The following PAK2 variants were observed in gnomAD, a reference collection of about 807,000 sequenced individuals.
PAK2 encodes the protein serine/threonine-protein kinase PAK 2.
Under a neutral mutation model 65.9 loss-of-function variants are expected in PAK2, and 21 were observed. That is an observed-to-expected ratio of 0.32 (90% confidence interval 0.23 to 0.46). The LOEUF is 0.46. Ranked by LOEUF, PAK2 falls within the 20% of genes least tolerant of loss-of-function variation. The pLI, the probability that PAK2 is intolerant of heterozygous loss-of-function variation, is 1.00. For synonymous variants in PAK2, 204 were observed against 219.7 expected (o/e 0.93, Z 0.63); for missense variants, 324 against 642.6 (o/e 0.50, Z 5.36).
chr3:196,779,623 G>T (rs533196963), intron 1 of PAK2, among the ~76,000 whole-genome samples: 1 of 152,256 alleles, frequency 6.6e-6, no homozygotes, highest in South Asian at 2.1e-4. Flanking sequence ...CTTGAGGAAA[G>T]AATTTATAGC....
intron 3 of PAK2, 48 bp downstream of exon 3, chr3:196,802,075 C>A: frequency 1.1e-6 from 1 of 932,442 alleles, no homozygotes; most frequent in Non-Finnish European, 1.8e-6. Context: ...AAATAGCACT[C>A]AAACATTTTC....
intron 1 of PAK2, among the ~76,000 whole-genome samples, chr3:196,741,023 G>T (rs1630029): frequency 0.6 from 90,694 of 152,028 alleles, 27,592 homozygotes; most frequent in African/African-American, 0.67. Context: ...GTGATTTGTT[G>T]TCCCTTGATA....
intron 2 of PAK2, among the ~76,000 whole-genome samples, chr3:196,797,292 G>A (rs928886876): frequency 5.9e-5 from 9 of 151,988 alleles, no homozygotes; most frequent in South Asian, 2.1e-4. Context: ...TGGTGAAACC[G>A]TCTTTACTAA....
At chr3:196,797,338 A>G (rs770163816) in intron 2 of PAK2, among the ~76,000 whole-genome samples, 1 of 152,056 alleles carries the variant, frequency 6.6e-6, no homozygotes. Context: ...TGGCAGGCGC[A>G]TATAATCCCA....
Position 196,825,523 on chromosome 3 carries a change from A to G in PAK2, c.1351-1673A>G, listed in dbSNP as rs541196896. On this transcript the variant is annotated intron_variant, in intron 13 of 14. Coordinates refer to ENST00000327134, the MANE Select transcript of PAK2 (RefSeq NM_002577.4). Reference sequence around the variant, plus strand: ...CCGGGCATTTTGGCGGGCGCCTATAATCCCAGCTACTCGGAAGGCTGAGGC... The same window carrying G: ...CCGGGCATTTTGGCGGGCGCCTATAGTCCCAGCTACTCGGAAGGCTGAGGC... 8.2e-4 allele frequency among the ~76,000 whole-genome samples: 122 copies of G among 149,294 alleles called. 1 individual carries two copies. The highest frequency in any genetic ancestry group is 3.7e-3 in the Middle Eastern group (1 of 272).
intron 1 of PAK2, among the ~76,000 whole-genome samples, chr3:196,761,861 G>C (rs1385231336): frequency 2.0e-5 from 3 of 149,182 alleles, no homozygotes; most frequent in African/African-American, 4.9e-5. Flanking sequence ...CCTCCCGGAC[G>C]GGGTGGCTGC....
chr3:196,768,504 G>T (rs9837938), intron 1 of PAK2, among the ~76,000 whole-genome samples: 63,457 of 148,662 alleles, frequency 0.43, 14,373 homozygotes, highest in Non-Finnish European at 0.51. Context: ...ATGTATGTAT[G>T]TATTTATTTA....
chr3:196,762,718 C>T (rs956063523), intron 1 of PAK2, among the ~76,000 whole-genome samples: 4 of 150,832 alleles, frequency 2.7e-5, no homozygotes, highest in East Asian at 2.0e-4. Context: ...CCGCTTTAAC[C>T]GGGGAGGCGG....
At chr3:196,774,706 G>A (rs927029470) in intron 1 of PAK2, among the ~76,000 whole-genome samples, 4 of 152,164 alleles carry the variant, frequency 2.6e-5, no homozygotes, top group Non-Finnish European at 5.9e-5. Flanking sequence ...TCCTCAGTCT[G>A]TAGGTTATGG....
rs148098967 is a variant in PAK2 at position 196,832,017 on chromosome 3, A to G, written c.*3612A>G. 2 of 152,302 alleles carry G rather than the reference A, an allele frequency of 1.3e-5. No individual in the cohort carries two copies. Among genetic ancestry groups the G allele is most frequent in the East Asian group, 1.9e-4 (1 of 5,186 alleles). The allele number at this position is 152,302 out of a possible 1,614,324, so 9.4% of individuals were successfully genotyped here. A position where few individuals can be genotyped will look rare whatever the true frequency, so the allele number is the denominator to read the frequency against. ...CACACATTCTTTTTTCTCAGTCAACACATTGATTGAACACTCTGGCAAAGA... is the reference window on the plus strand; with the variant it reads ...CACACATTCTTTTTTCTCAGTCAACGCATTGATTGAACACTCTGGCAAAGA... On this transcript the variant is annotated 3_prime_UTR_variant, in exon 15 of 15. Transcript: ENST00000327134.
chr3:196,750,306 T>TTAAA (rs1713530830), intron 1 of PAK2, among the ~76,000 whole-genome samples: 1 of 152,118 alleles, frequency 6.6e-6, no homozygotes, highest in African/African-American at 2.4e-5. Context: ...TGGCTAATTT[T>TTAAA]TAAAATCTTT....
intron 14 of PAK2, among the ~76,000 whole-genome samples, chr3:196,828,002 C>T (rs113045709): frequency 9.9e-5 from 11 of 111,140 alleles, no homozygotes; most frequent in African/African-American, 3.8e-5. Flanking sequence ...GTTTGTGCAT[C>T]GTATCAATCC....
At chr3:196,793,580 A>T (rs1715147056) in intron 2 of PAK2, among the ~76,000 whole-genome samples, 1 of 152,192 alleles carries the variant, frequency 6.6e-6, no homozygotes, top group African/African-American at 2.4e-5. Flanking sequence ...GGAGAGTCCA[A>T]AACAATAGGG....
At chr3:196,797,142 A>G (rs1034650680) in intron 2 of PAK2, among the ~76,000 whole-genome samples, 2 of 152,198 alleles carry the variant, frequency 1.3e-5, no homozygotes, top group African/African-American at 4.8e-5. Context: ...ATTCTCTTTA[A>G]AGACACATGA....
At chr3:196,788,569 A>G (rs922513647) in intron 2 of PAK2, among the ~76,000 whole-genome samples, 33 of 152,188 alleles carry the variant, frequency 2.2e-4, no homozygotes, top group African/African-American at 7.7e-4. Flanking sequence ...GAGATGAGTG[A>G]TAAAGCAGAT....
chr3:196,803,713 T>G (rs1319112799), intron 4 of PAK2, among the ~76,000 whole-genome samples: 1 of 152,208 alleles, frequency 6.6e-6, no homozygotes, highest in Admixed American at 6.5e-5. Context: ...ATGGAATATC[T>G]GGAATATCAT....
At chr3:196,810,020 G>C (rs1021413924) in intron 7 of PAK2, among the ~76,000 whole-genome samples, 3 of 151,836 alleles carry the variant, frequency 2.0e-5, no homozygotes, top group African/African-American at 7.3e-5. Context: ...AATTTTTATG[G>C]TAATAAGTGG....
intron 13 of PAK2, among the ~76,000 whole-genome samples, chr3:196,823,565 AAAC>A (rs1489627555): frequency 4.4e-4 from 66 of 151,318 alleles, no homozygotes; most frequent in African/African-American, 1.6e-3. Context: ...ACAAACAAAC[AAAC>A]AAAAAAAACA....
chr3:196,792,216 T>A (rs1049025554), intron 2 of PAK2, among the ~76,000 whole-genome samples: 27 of 152,192 alleles, frequency 1.8e-4, no homozygotes, highest in Admixed American at 1.5e-3. Flanking sequence ...CAGATTTTTT[T>A]AAAAGAAAGA....
Sources: allele counts gnomAD v4.1 joint callset (sites outside exome capture counted in the v4.1 genomes callset), GRCh38; gene constraint gnomAD v4.1.1; transcripts MANE v1.5; gene names NCBI Gene and HGNC (gene_info 2026-07-23, HGNC 2026-07-21).